Variants in NPAS3 observed in about 807,000 individuals in gnomAD.
NPAS3 encodes neuronal PAS domain protein 3.
NPAS3 carries 14 observed loss-of-function variants against 73.1 expected under a neutral mutation model. The ratio of observed to expected loss-of-function variants is 0.19; its 90% CI spans 0.13 to 0.30. The LOEUF (loss-of-function observed/expected upper bound fraction) is 0.30. Among genes scored for constraint, NPAS3 ranks in the 10% least tolerant of loss-of-function variants. The pLI is 1.00. For missense variants in NPAS3, 1,096 were observed against 1,250.0 expected (o/e 0.88, Z 1.86); for synonymous variants, 620 against 541.5 (o/e 1.14, Z -2.01).
intron 3 of NPAS3, among the ~76,000 whole-genome samples, chr14:33,253,347 A>T (rs892946996): frequency 1.3e-5 from 2 of 152,080 alleles, no homozygotes; most frequent in African/African-American, 4.8e-5. Flanking sequence ...TTTCTACTTA[A>T]ACACAGCTAG....
chr14:33,557,216 A>T (rs1256033560), intron 4 of NPAS3, among the ~76,000 whole-genome samples: 1 of 152,190 alleles, frequency 6.6e-6, no homozygotes, highest in African/African-American at 2.4e-5. Context: ...ATCAGAAAAG[A>T]CTGCAGAGGG....
At chr14:33,090,282 CA>C (rs1162866947) in intron 2 of NPAS3, among the ~76,000 whole-genome samples, 1 of 117,268 alleles carries the variant, frequency 8.5e-6, no homozygotes, top group East Asian at 2.6e-4. Flanking sequence ...CACATAGGCT[CA>C]AAATAAAGGA....
chr14:33,692,991 A>G (rs1271057292), intron 6 of NPAS3, among the ~76,000 whole-genome samples: 1 of 152,138 alleles, frequency 6.6e-6, no homozygotes, highest in African/African-American at 2.4e-5. Flanking sequence ...TGTGGAAATG[A>G]GAGCAAAAAC....
chr14:33,753,639 A>G (rs1286560923), intron 7 of NPAS3, among the ~76,000 whole-genome samples: 2 of 152,204 alleles, frequency 1.3e-5, no homozygotes, highest in South Asian at 2.1e-4. Context: ...CATGCAGCCA[A>G]TACCCTACAA....
At chr14:33,500,059 A>C (rs1256447451) in intron 4 of NPAS3, among the ~76,000 whole-genome samples, 1 of 152,040 alleles carries the variant, frequency 6.6e-6, no homozygotes, top group South Asian at 2.1e-4. Flanking sequence ...ATGAAACGGT[A>C]GCTTTAGGGT....
chr14:33,299,028 C>T (rs145050770), intron 3 of NPAS3, among the ~76,000 whole-genome samples: 79 of 152,282 alleles, frequency 5.2e-4, no homozygotes, highest in African/African-American at 1.8e-3. Flanking sequence ...TCAAGGTAAA[C>T]GTAGCATTGT....
At chr14:33,190,354 A>G (rs2046124834) in intron 2 of NPAS3, among the ~76,000 whole-genome samples, 1 of 152,234 alleles carries the variant, frequency 6.6e-6, no homozygotes, top group African/African-American at 2.4e-5. Context: ...TTTTGAGTGT[A>G]TTACATCCCT....
At chr14:33,791,372 A>G (rs140458323) in intron 9 of NPAS3, among the ~76,000 whole-genome samples, 1,898 of 152,130 alleles carry the variant, frequency 0.012, 48 homozygotes, top group African/African-American at 0.044. Context: ...TTGCTAGCTG[A>G]CCCTTGGCCT....
intron 5 of NPAS3, among the ~76,000 whole-genome samples, chr14:33,635,138 T>G: frequency 6.6e-6 from 1 of 152,182 alleles, no homozygotes; most frequent in East Asian, 1.9e-4. Context: ...CAGAAGGGCG[T>G]ACATTGTGCC....
At chr14:33,167,714 AAC>A (rs1312917642) in intron 2 of NPAS3, among the ~76,000 whole-genome samples, 1 of 152,196 alleles carries the variant, frequency 6.6e-6, no homozygotes, top group Non-Finnish European at 1.5e-5. Flanking sequence ...AATTGGGCAA[AAC>A]ACAATTCCTT....
At chr14:33,204,212 T>C (rs1251702311) in intron 2 of NPAS3, among the ~76,000 whole-genome samples, 1 of 152,196 alleles carries the variant, frequency 6.6e-6, no homozygotes, top group Non-Finnish European at 1.5e-5. Context: ...TGTCTCACTT[T>C]AAACGTTTCT....
At chr14:33,095,824 A>G (rs1037563514) in intron 2 of NPAS3, among the ~76,000 whole-genome samples, 1 of 151,108 alleles carries the variant, frequency 6.6e-6, no homozygotes, top group African/African-American at 2.4e-5. Context: ...GCCCACCACC[A>G]TGCCCGGCTA....
intron 3 of NPAS3, among the ~76,000 whole-genome samples, chr14:33,359,928 A>C (rs2045516689): frequency 6.6e-6 from 1 of 152,238 alleles, no homozygotes. Flanking sequence ...AAGAAGAAGA[A>C]TTTAAACAAC....
chr14:33,449,863 T>C (rs2049708917), intron 4 of NPAS3, among the ~76,000 whole-genome samples: 1 of 152,240 alleles, frequency 6.6e-6, no homozygotes, highest in African/African-American at 2.4e-5. Context: ...TAAAACTGCT[T>C]TGATTTATTC....
At chr14:33,290,269 A>G (rs1169506245) in intron 3 of NPAS3, among the ~76,000 whole-genome samples, 2 of 152,208 alleles carry the variant, frequency 1.3e-5, no homozygotes, top group Non-Finnish European at 2.9e-5. Flanking sequence ...AGATATGAGC[A>G]TGCTTTTCAT....
chr14:33,335,050 G>GTGTA (rs2044163074), intron 3 of NPAS3, among the ~76,000 whole-genome samples: 1 of 149,624 alleles, frequency 6.7e-6, no homozygotes, highest in Admixed American at 6.6e-5. Context: ...GTGCGTGTGT[G>GTGTA]TGTGTGTGTG....
At chr14:33,595,914 A>T (rs570853852) in intron 5 of NPAS3, among the ~76,000 whole-genome samples, 130 of 152,086 alleles carry the variant, frequency 8.5e-4, no homozygotes, top group Non-Finnish European at 9.0e-4. Flanking sequence ...TCGTGATCCG[A>T]CCGCCTAGGC....
chr14:33,158,965 C>CA, intron 2 of NPAS3, among the ~76,000 whole-genome samples: 1 of 152,184 alleles, frequency 6.6e-6, no homozygotes, highest in South Asian at 2.1e-4. Context: ...GAGTTCGAGA[C>CA]CAGCCTGGCC....
intron 3 of NPAS3, 99 bp downstream of exon 3, chr14:33,215,525 A>C: frequency 1.5e-6 from 2 of 1,343,760 alleles, no homozygotes; most frequent in Non-Finnish European, 1.1e-6. Context: ...CTGCATATCA[A>C]ATCCTTTAAA....
Sources: gnomAD v4.1 joint callset for allele counts (sites outside exome capture counted in the v4.1 genomes callset) on GRCh38, gnomAD v4.1.1 for gene constraint, MANE v1.5 for transcripts, NCBI Gene and HGNC (gene_info 2026-07-23, HGNC 2026-07-21) for gene names.